Variants in SOX5 observed in about 807,000 individuals in gnomAD.
SOX5 encodes the protein transcription factor SOX-5.
A neutral mutation model predicts 92.0 loss-of-function variants in SOX5; 9 were observed. The observed-to-expected ratio is 0.10, with a 90% CI of 0.06 to 0.17. The LOEUF is 0.17. SOX5 is among the 10% of genes least tolerant of loss of function. The pLI, the probability that SOX5 is intolerant of heterozygous loss-of-function variation, is 1.00. For synonymous variants in SOX5, 344 were observed against 336.3 expected, an observed-to-expected ratio of 1.02 and a Z score of -0.25; for missense variants, 642 against 944.5, an observed-to-expected ratio of 0.68 and a Z score of 4.20.
chr12:23,928,532 A>G (rs1940605224), intron 1 of SOX5, among the ~76,000 whole-genome samples: 1 of 151,976 alleles, frequency 6.6e-6, no homozygotes, highest in East Asian at 1.9e-4. Flanking sequence ...GTTAAGCTGA[A>G]ATACATAAAC....
intron 11 of SOX5, among the ~76,000 whole-genome samples, chr12:23,558,008 G>T (rs10771003): frequency 0.7 from 105,022 of 149,090 alleles, 37,790 homozygotes; most frequent in South Asian, 0.83. Flanking sequence ...GGACATGTAA[G>T]AGTGGAAGGG....
chr12:23,936,131 A>G (rs991563363), intron 1 of SOX5, among the ~76,000 whole-genome samples: 2 of 151,076 alleles, frequency 1.3e-5, no homozygotes, highest in Non-Finnish European at 3.0e-5. Context: ...CTATCTTTAT[A>G]TCTATCTCTA....
intron 1 of SOX5, among the ~76,000 whole-genome samples, chr12:24,448,853 C>T (rs1230543466): frequency 6.6e-6 from 1 of 152,100 alleles, no homozygotes; most frequent in African/African-American, 2.4e-5. Flanking sequence ...GACCTCTCCA[C>T]ATGAAGGTCT....
At chr12:24,518,978 T>A (rs988046071) in intron 1 of SOX5, among the ~76,000 whole-genome samples, 1 of 152,176 alleles carries the variant, frequency 6.6e-6, no homozygotes, top group Non-Finnish European at 1.5e-5. Flanking sequence ...TTATGTAGGA[T>A]TGCATGATCA....
chr12:23,688,069 C>A (rs1473127839), intron 6 of SOX5, among the ~76,000 whole-genome samples: 1 of 151,986 alleles, frequency 6.6e-6, no homozygotes, highest in Non-Finnish European at 1.5e-5. Flanking sequence ...CAAACTCTTT[C>A]TGTAGATCTA....
chr12:24,171,461 G>C (rs1382621863), intron 4 of SOX5, among the ~76,000 whole-genome samples: 1 of 151,932 alleles, frequency 6.6e-6, no homozygotes, highest in East Asian at 1.9e-4. Context: ...CTGACTTCGT[G>C]ATCCACCCGC....
chr12:24,023,343 T>C (rs899192616), intron 4 of SOX5, among the ~76,000 whole-genome samples: 1 of 152,096 alleles, frequency 6.6e-6, no homozygotes, highest in Non-Finnish European at 1.5e-5. Flanking sequence ...GATCTGCATA[T>C]TTAAGACAAA....
At chr12:23,726,453 C>G (rs558802508) in intron 6 of SOX5, among the ~76,000 whole-genome samples, 76 of 152,216 alleles carry the variant, frequency 5.0e-4, no homozygotes, top group African/African-American at 1.8e-3. Flanking sequence ...GTACCCCCAG[C>G]TATAGCATTT....
chr12:24,514,024 C>G (rs1949556946), intron 1 of SOX5, among the ~76,000 whole-genome samples: 1 of 152,186 alleles, frequency 6.6e-6, no homozygotes, highest in African/African-American at 2.4e-5. Context: ...AGTCTACTAT[C>G]TCTTCTACAG....
At chr12:24,321,662 T>C (rs889206608) in intron 2 of SOX5, among the ~76,000 whole-genome samples, 1 of 152,218 alleles carries the variant, frequency 6.6e-6, no homozygotes, top group Admixed American at 6.5e-5. Context: ...GCCATCTTGC[T>C]GGAGTACAAG....
intron 1 of SOX5, among the ~76,000 whole-genome samples, chr12:24,415,424 T>A (rs1275994046): frequency 4.0e-5 from 6 of 150,820 alleles, no homozygotes; most frequent in African/African-American, 7.4e-5. Flanking sequence ...ATTTTAATGT[T>A]TTTTTTATAC....
At chr12:23,981,814 A>T (rs1245441839) in intron 4 of SOX5, among the ~76,000 whole-genome samples, 9 of 152,198 alleles carry the variant, frequency 5.9e-5, no homozygotes, top group Non-Finnish European at 1.2e-4. Flanking sequence ...TATCCAAGTT[A>T]TTCTTTCTAA....
chr12:23,590,968 T>C (rs1475308457), intron 9 of SOX5, among the ~76,000 whole-genome samples: 2 of 152,116 alleles, frequency 1.3e-5, no homozygotes, highest in East Asian at 3.8e-4. Flanking sequence ...AGTTATATTT[T>C]ATTAACTATC....
At position 23,575,756 on chromosome 12, in the gene SOX5, T is replaced by A. The variant is rs1236586722; in HGVS notation, c.1247A>T (p.His416Leu). The change falls in exon 10 of 15, where the codon CAT becomes CTT. Residue 416 changes from histidine (H) to leucine (L), a missense_variant. This residue lies in a region of SOX5 where 324 missense variants were observed against 461.6 expected (regional missense o/e 0.70). Transcript: ENST00000451604. ...GKSPTSPTSP[H>L]MPALRINSGA... ...ACTGTTTATTCTCAGAGCTGGCATA[T>A]GGGGAGAGGTGGGTGATGTGGGTGA... is the stretch of plus-strand genomic sequence containing the variant. 1 of 1,613,348 alleles carries A rather than the reference T, an allele frequency of 6.2e-7. No individual in the cohort carries two copies. The highest frequency in any genetic ancestry group is 1.3e-5 in the African/African-American group (1 of 75,028).
At chr12:24,127,058 A>G (rs1949173932) in intron 4 of SOX5, among the ~76,000 whole-genome samples, 1 of 151,928 alleles carries the variant, frequency 6.6e-6, no homozygotes. Flanking sequence ...CACATTATAA[A>G]TGTCATAATA....
chr12:23,674,336 ATT>A (rs34975795), intron 6 of SOX5, among the ~76,000 whole-genome samples: 3 of 97,382 alleles, frequency 3.1e-5, no homozygotes, highest in Non-Finnish European at 3.7e-5. Context: ...ATAAAAAGGA[ATT>A]TTTTTTTTTT....
At chr12:23,952,643 A>G (rs982620251), upstream of SOX5, among the ~76,000 whole-genome samples, 6 of 152,218 alleles carry the variant, frequency 3.9e-5, no homozygotes, top group Non-Finnish European at 7.4e-5. Context: ...ACAATCATCT[A>G]TGCTGAAGGA....
At chr12:24,361,623 G>GTGTGTGTGTGCGCA (rs1001676928) in intron 2 of SOX5, among the ~76,000 whole-genome samples, 3 of 151,710 alleles carry the variant, frequency 2.0e-5, no homozygotes, top group South Asian at 4.1e-4. Flanking sequence ...GTGTGTGTGT[G>GTGTGTGTGTGCGCA]TGTGTGTGTG....
At chr12:24,547,372 T>C (rs1239977436) in intron 1 of SOX5, among the ~76,000 whole-genome samples, 1 of 151,390 alleles carries the variant, frequency 6.6e-6, no homozygotes, top group Non-Finnish European at 1.5e-5. Context: ...TTTGTATTTT[T>C]AGTAGAGACG....
Sources: gnomAD v4.1 joint callset for allele counts (sites outside exome capture counted in the v4.1 genomes callset) on GRCh38, gnomAD v4.1.1 for gene constraint, gnomAD v4.1.1 regional missense constraint, MANE v1.5 for transcripts, NCBI Gene and HGNC (gene_info 2026-07-23, HGNC 2026-07-21) for gene names.